ZNF385B: variants seen among roughly 807,000 people sequenced by gnomAD.
ZNF385B encodes zinc finger protein 385B.
A neutral mutation model predicts 39.2 loss-of-function variants in ZNF385B; 23 were observed. That is an observed-to-expected ratio of 0.59 (90% CI 0.42 to 0.83). The LOEUF is 0.83. Among genes scored for constraint, ZNF385B ranks in the 40% least tolerant of loss-of-function variants. ZNF385B has a pLI of 0.00. For missense variants in ZNF385B, 552 were observed against 598.9 expected (o/e 0.92, Z 0.82); for synonymous variants, 205 against 222.6 (o/e 0.92, Z 0.70).
intron 6 of ZNF385B, among the ~76,000 whole-genome samples, chr2:179,481,455 A>G (rs1337266840): frequency 6.6e-6 from 1 of 151,830 alleles, no homozygotes; most frequent in African/African-American, 2.4e-5. Flanking sequence ...GCTTTTTTAA[A>G]AAATGGATTC....
intron 6 of ZNF385B, among the ~76,000 whole-genome samples, chr2:179,482,732 A>G (rs1202380165): frequency 1.3e-5 from 2 of 152,218 alleles, no homozygotes; most frequent in African/African-American, 4.8e-5. Flanking sequence ...GAAGATCTTC[A>G]AAAAGCATCA....
At chr2:179,763,958 T>A (rs769568056) in intron 3 of ZNF385B, among the ~76,000 whole-genome samples, 12 of 152,214 alleles carry the variant, frequency 7.9e-5, no homozygotes, top group Admixed American at 3.3e-4. Flanking sequence ...AGTAGAGGTC[T>A]ATATAAATTA....
At chr2:179,581,533 T>C in intron 3 of ZNF385B, among the ~76,000 whole-genome samples, 1 of 152,196 alleles carries the variant, frequency 6.6e-6, no homozygotes, top group Admixed American at 6.5e-5. Flanking sequence ...CCTTACCTAT[T>C]CCTTTCACAC....
At chr2:179,856,450 A>C (rs1486066828) in intron 1 of ZNF385B, among the ~76,000 whole-genome samples, 1 of 152,114 alleles carries the variant, frequency 6.6e-6, no homozygotes. Context: ...GGAGCCCAGA[A>C]AAGAAACAGC....
At chr2:179,829,353 A>C (rs1707847696) in intron 1 of ZNF385B, among the ~76,000 whole-genome samples, 1 of 152,206 alleles carries the variant, frequency 6.6e-6, no homozygotes, top group African/African-American at 2.4e-5. Flanking sequence ...AACTGTACAT[A>C]CATATAGAAA....
At chr2:179,664,897 T>C (rs1694952846) in intron 3 of ZNF385B, among the ~76,000 whole-genome samples, 1 of 152,222 alleles carries the variant, frequency 6.6e-6, no homozygotes, top group Non-Finnish European at 1.5e-5. Flanking sequence ...TCTGTGTTTT[T>C]ACTTTTTTTG....
chr2:179,637,207 T>A (rs887481664), intron 3 of ZNF385B: 3 of 152,202 alleles, frequency 2.0e-5, no homozygotes, highest in Non-Finnish European at 4.4e-5. Context: ...ATACAGACTT[T>A]CCTACCTAGT....
intron 3 of ZNF385B, among the ~76,000 whole-genome samples, chr2:179,633,471 A>C (rs1293442085): frequency 6.6e-6 from 1 of 152,222 alleles, no homozygotes; most frequent in African/African-American, 2.4e-5. Flanking sequence ...ATCTCAATAG[A>C]TACAGAAAAG....
intron 1 of ZNF385B, among the ~76,000 whole-genome samples, chr2:179,836,814 G>C (rs1023864203): frequency 6.6e-6 from 1 of 152,120 alleles, no homozygotes; most frequent in Non-Finnish European, 1.5e-5. Flanking sequence ...CACCGCGCAC[G>C]GCCTTGTGTT....
chr2:179,714,893 G>T (rs1575322760), intron 3 of ZNF385B, among the ~76,000 whole-genome samples: 2 of 124,528 alleles, frequency 1.6e-5, no homozygotes, highest in African/African-American at 6.2e-5. Context: ...GCTGTGGGCT[G>T]AACAGCACCA....
chr2:179,624,799 A>AT (rs1021897642), intron 3 of ZNF385B, among the ~76,000 whole-genome samples: 8 of 152,042 alleles, frequency 5.3e-5, no homozygotes, highest in Admixed American at 3.3e-4. Flanking sequence ...CCTAGTCATG[A>AT]TTTTTTCTAA....
chr2:179,560,336 G>A (rs73976410), intron 3 of ZNF385B, among the ~76,000 whole-genome samples: 22,546 of 151,916 alleles, frequency 0.15, 1,759 homozygotes, highest in Middle Eastern at 0.17. Context: ...TTTAACTATT[G>A]GTCTCTTCTG....
intron 3 of ZNF385B, among the ~76,000 whole-genome samples, chr2:179,601,546 T>C (rs1018494154): frequency 9.9e-5 from 15 of 152,160 alleles, no homozygotes; most frequent in African/African-American, 3.4e-4. Context: ...AGCTCTGGCA[T>C]TGTGTATAAA....
At chr2:179,663,526 T>C (rs1224559551) in intron 3 of ZNF385B, among the ~76,000 whole-genome samples, 4 of 151,702 alleles carry the variant, frequency 2.6e-5, no homozygotes, top group Admixed American at 1.3e-4. Context: ...CTGGCTAACA[T>C]GGTGAAAACC....
At chr2:179,696,325 A>ATTTTTTTTTTTTTTTTTTTTT (rs1333224792) in intron 3 of ZNF385B, among the ~76,000 whole-genome samples, 3 of 9,838 alleles carry the variant, frequency 3.0e-4, no homozygotes, top group South Asian at 5.1e-3. Context: ...ACAAACTGGG[A>ATTTTTTTTTTTTTTTTTTTTT]CTTTTTTTTT....
chr2:179,680,926 G>A (rs1697456221), intron 3 of ZNF385B, among the ~76,000 whole-genome samples: 1 of 152,094 alleles, frequency 6.6e-6, no homozygotes, highest in South Asian at 2.1e-4. Flanking sequence ...GAGACTCAGA[G>A]ATGGTCAAAT....
At chr2:179,663,345 G>A (rs1694715423) in intron 3 of ZNF385B, among the ~76,000 whole-genome samples, 1 of 152,142 alleles carries the variant, frequency 6.6e-6, no homozygotes, top group South Asian at 2.1e-4. Context: ...ATGGAAAAAT[G>A]ATAACCATTC....
chr2:179,735,939 G>C (rs983968167), intron 3 of ZNF385B, among the ~76,000 whole-genome samples: 1 of 149,604 alleles, frequency 6.7e-6, no homozygotes, highest in East Asian at 2.0e-4. Flanking sequence ...GCTAGATGAC[G>C]AGTTAGTGGG....
intron 1 of ZNF385B, among the ~76,000 whole-genome samples, chr2:179,801,969 T>C (rs1706062716): frequency 6.6e-6 from 1 of 152,164 alleles, no homozygotes; most frequent in South Asian, 2.1e-4. Context: ...ATCCATCACT[T>C]AATCTTTGCA....
Sources: allele counts gnomAD v4.1 joint callset (sites outside exome capture counted in the v4.1 genomes callset), GRCh38; gene constraint gnomAD v4.1.1; transcripts MANE v1.5; gene names NCBI Gene and HGNC (gene_info 2026-07-23, HGNC 2026-07-21).